The following CYB5D1 variants were observed in gnomAD, a reference collection of about 807,000 sequenced individuals.
CYB5D1 encodes cytochrome b5 domain containing 1, also known as cytochrome b5 domain-containing protein 1.
CYB5D1 carries 30 observed loss-of-function variants against 24.3 expected under a neutral mutation model. That is an observed-to-expected ratio of 1.23 (90% CI 0.92 to 1.67). CYB5D1 has a LOEUF of 1.67. Ranked by LOEUF, CYB5D1 falls within the 40% of genes most tolerant of loss-of-function variation. The pLI, the probability that CYB5D1 is intolerant of heterozygous loss-of-function variation, is 0.00. For missense variants in CYB5D1, 265 were observed against 296.7 expected (o/e 0.89, Z 0.79); for synonymous variants, 128 against 123.2 (o/e 1.04, Z -0.26).
In CYB5D1 at chr17:7,861,198, T is replaced by G. The variant is rs2078880431; in HGVS notation, c.*1586T>G. 6.6e-6 allele frequency: 1 copy of G among 152,056 alleles called. No individual in the cohort carries two copies. Among genetic ancestry groups the G allele is most frequent in the South Asian group, 2.1e-4 (1 of 4,826 alleles). The allele number at this position is 152,056 out of a possible 1,614,324, so 9.4% of individuals were successfully genotyped here. A position where few individuals can be genotyped will look rare whatever the true frequency, so the allele number is the denominator to read the frequency against. ...AGCAAAAAACAAATCAGGAAGAGTT[T>G]AGTGTGTCTTCTGGCAGGGGACACC... is the stretch of plus-strand genomic sequence containing the variant. On this transcript the variant is annotated 3_prime_UTR_variant, in exon 4 of 4. Coordinates refer to ENST00000332439, the MANE Select transcript of CYB5D1 (RefSeq NM_144607.6).
At chr17:7,859,255 C>G in intron 3 of CYB5D1, 127 bp from the exon 4 acceptor site, 1 of 718,172 alleles carries the variant, frequency 1.4e-6, no homozygotes, top group Non-Finnish European at 2.3e-6. Context: ...GGAGTTTCAG[C>G]TTTTTTTTCC....
intron 3 of CYB5D1, 149 bp downstream of exon 3, chr17:7,858,973 T>A: frequency 1.4e-6 from 1 of 706,470 alleles, no homozygotes; most frequent in Non-Finnish European, 2.2e-6. Flanking sequence ...GCACAGCACC[T>A]AGGTCCCCAG....
chr17:7,859,347 G>C (rs2078864894), intron 3 of CYB5D1, 35 bp from the exon 4 acceptor site: 1 of 1,572,994 alleles, frequency 6.4e-7, no homozygotes, highest in Admixed American at 1.7e-5. Context: ...ACTCCATCCA[G>C]AATTCTGGGG....
rs1239142541 is a variant in CYB5D1, at chr17:7,858,610, G to T, written c.242G>T (p.Arg81Leu). The T allele has an allele frequency of 6.2e-7, 1 of 1,605,160 alleles. No individual in the cohort carries two copies. Among genetic ancestry groups the T allele is most frequent in the Non-Finnish European group, 8.5e-7 (1 of 1,173,958 alleles). ...GCCCCAAACCCTCCTTTAAAGATCCGCAAGCACATAGATCCGCTGACCGGC... is the reference window on the plus strand; with the variant it reads ...GCCCCAAACCCTCCTTTAAAGATCCTCAAGCACATAGATCCGCTGACCGGC... ...HWFDPKTRDI[R>L]KHIDPLTGCL... The change falls in exon 3 of 4, where the codon CGC becomes CTC. Residue 81 changes from arginine (R) to leucine (L), a missense_variant. Physicochemically the swap from Arg to Leu is moderately radical, Grantham distance 102. Transcript: ENST00000332439.
Position 7,861,098 on chromosome 17 carries a change from G to T in CYB5D1, c.*1486G>T, listed in dbSNP as rs2078879801. Reference sequence around the variant, plus strand: ...AAGAGAACCACTATTGGGGGTAATGGCTAGATTTGGTCTCCTTTAACTTAA... The same window carrying T: ...AAGAGAACCACTATTGGGGGTAATGTCTAGATTTGGTCTCCTTTAACTTAA... On this transcript the variant is annotated 3_prime_UTR_variant, in exon 4 of 4. Transcript: ENST00000332439. 6.6e-6 allele frequency: 1 copy of T among 152,122 alleles called. No homozygotes were observed. The highest frequency in any genetic ancestry group is 1.5e-5 in the Non-Finnish European group (1 of 68,026). 9.4% of individuals were successfully genotyped at this position (152,122 alleles called of 1,614,324 possible). A position where few individuals can be genotyped will look rare whatever the true frequency, so the allele number is the denominator to read the frequency against.
chr17:7,858,722 G>A lies in CYB5D1; in HGVS notation c.354G>A (p.Lys118=). ...PCSDWANDFG[K]PWWQGSYYEV... is the part of the protein sequence containing the mutation. ...CGGACTGGGCCAACGATTTTGGGAA[G>A]CCCTGGTGGCAGGGGTCGTATTATG... The change falls in exon 3 of 4, where the codon AAG becomes AAA. Residue 118 remains lysine, a synonymous_variant. Coordinates refer to ENST00000332439, the MANE Select transcript of CYB5D1 (RefSeq NM_144607.6). 1 of 1,609,152 alleles carries A rather than the reference G, an allele frequency of 6.2e-7. No individual in the cohort carries two copies. The highest frequency in any genetic ancestry group is 8.5e-7 in the Non-Finnish European group (1 of 1,177,502).
Position 7,859,727 on chromosome 17 carries a change from TC to T in CYB5D1, c.*117del. 1 of 863,682 alleles carries T rather than the reference TC, an allele frequency of 1.2e-6. No homozygotes were observed. Among genetic ancestry groups the T allele is most frequent in the Non-Finnish European group, 1.9e-6 (1 of 530,362 alleles). The allele number at this position is 863,682 out of a possible 1,614,324, so 53.5% of individuals were successfully genotyped here. ...GCCTGGACCCAGATCTCCACTCCTC[TC>T]CAGGAGCTAGCCTGTGCCCTTCTGA... On this transcript the variant is annotated 3_prime_UTR_variant, in exon 4 of 4. Transcript: ENST00000332439.
rs139520724 is a variant in CYB5D1, at chr17:7,859,960, G to A, written c.*348G>A. The A allele has an allele frequency of 5.2e-4, 125 of 240,552 alleles. 1 individual carries two copies. Among genetic ancestry groups the A allele is most frequent in the African/African-American group, 2.7e-3 (120 of 44,226 alleles). 14.9% of individuals were successfully genotyped at this position (240,552 alleles called of 1,614,324 possible). ...ATGGAAGGACTTTTTTGGCAATGAT[G>A]GAAATGAGATGTCTGCAGGAAGATG... On this transcript the variant is annotated 3_prime_UTR_variant, in exon 4 of 4. Coordinates refer to ENST00000332439, the MANE Select transcript of CYB5D1 (RefSeq NM_144607.6).
In CYB5D1 at chr17:7,858,022, G is replaced by T; in HGVS notation, c.-113G>T. On this transcript the variant is annotated 5_prime_UTR_variant, in exon 1 of 4. Transcript: ENST00000332439. ...AAGGACAATGGTTTCCATGTCAGCG[G>T]ATAAACGCTCTCCCCTCGGCTCCCG... 1 of 1,532,868 alleles carries T rather than the reference G, an allele frequency of 6.5e-7. No homozygotes were observed. The highest frequency in any genetic ancestry group is 8.7e-7 in the Non-Finnish European group (1 of 1,145,810). The allele number at this position is 1,532,868 out of a possible 1,614,324, so 95.0% of individuals were successfully genotyped here. A position where few individuals can be genotyped will look rare whatever the true frequency, so the allele number is the denominator to read the frequency against.
At chr17:7,858,926 G>GTA in intron 3 of CYB5D1, 102 bp downstream of exon 3, 1 of 1,115,968 alleles carries the variant, frequency 9.0e-7, no homozygotes, top group Non-Finnish European at 1.2e-6. Context: ...CGGTGGGAGT[G>GTA]TATTTTCTGT....
Position 7,858,758 on chromosome 17 carries a change from G to A in CYB5D1, c.390G>A (p.Arg130=). The A allele has an allele frequency of 1.3e-6, 2 of 1,597,098 alleles. No homozygotes were observed. Among genetic ancestry groups the A allele is most frequent in the Non-Finnish European group, 8.5e-7 (1 of 1,171,310 alleles). ...WWQGSYYEVG[R]LSAKTRSIRI... ...AGGGGTCGTATTATGAGGTGGGGCG[G>A]CTGTCTGCCAAGACCCGGAGCATCC... The change falls in exon 3 of 4, where the codon CGG becomes CGA. Residue 130 remains arginine, a synonymous_variant. Coordinates refer to ENST00000332439, the MANE Select transcript of CYB5D1 (RefSeq NM_144607.6).
rs1454371400 is a variant in CYB5D1, at chr17:7,858,743, T to C, written c.375T>C (p.Tyr125=). 6.9e-6 allele frequency: 11 copies of C among 1,603,876 alleles called. No homozygotes were observed. Among genetic ancestry groups the C allele is most frequent in the Non-Finnish European group, 9.4e-6 (11 of 1,174,880 alleles). The change falls in exon 3 of 4, where the codon TAT becomes TAC. Residue 125 remains tyrosine, a synonymous_variant. Transcript: ENST00000332439. ...DFGKPWWQGS[Y]YEVGRLSAKT... is the part of the protein sequence containing the mutation. ...GGAAGCCCTGGTGGCAGGGGTCGTA[T>C]TATGAGGTGGGGCGGCTGTCTGCCA... is the stretch of plus-strand genomic sequence containing the variant.
Position 7,859,937 on chromosome 17 carries a change from G to A in CYB5D1, c.*325G>A, listed in dbSNP as rs1597874495. 3.8e-5 allele frequency: 10 copies of A among 264,112 alleles called. No homozygotes were observed. The East Asian group carries it at 7.9e-4, about 21-fold the overall frequency. 16.4% of individuals were successfully genotyped at this position (264,112 alleles called of 1,614,324 possible). On this transcript the variant is annotated 3_prime_UTR_variant, in exon 4 of 4. Transcript: ENST00000332439. ...GAGTAGTTCTACAGGGGTGAGGGAT[G>A]GAAGGACTTTTTTGGCAATGATGGA...
chr17:7,858,492 G>A lies in CYB5D1; in HGVS notation c.237+13G>A, dbSNP rs2078852939. On this transcript the variant is annotated intron_variant, in intron 2 of 3. Coordinates refer to ENST00000332439, the MANE Select transcript of CYB5D1 (RefSeq NM_144607.6). Reference sequence around the variant, plus strand: ...AAAGACCAGAGACGTGAGTTATGCTGGAACCTGGGATTGTGGGTAGAGGAA... The same window carrying A: ...AAAGACCAGAGACGTGAGTTATGCTAGAACCTGGGATTGTGGGTAGAGGAA... 1 of 1,614,176 alleles carries A rather than the reference G, an allele frequency of 6.2e-7. No individual in the cohort carries two copies. The highest frequency in any genetic ancestry group is 2.2e-5 in the East Asian group (1 of 44,892).
chr17:7,859,416 AC>A lies in CYB5D1; in HGVS notation c.493del (p.Arg165AlafsTer21), dbSNP rs756741655. 6.2e-7 allele frequency: 1 copy of A among 1,614,032 alleles called. No homozygotes were observed. The highest frequency in any genetic ancestry group is 8.5e-7 in the Non-Finnish European group (1 of 1,180,018). On this transcript the variant is annotated frameshift_variant, in exon 4 of 4. Transcript: ENST00000332439. LOFTEE classifies it high-confidence loss of function. ...CTGGAGTCCATATGGGAAATCCTACACCGCTATCTCCCCTATAACTCACATG... is the reference window on the plus strand; with the variant it reads ...CTGGAGTCCATATGGGAAATCCTACACGCTATCTCCCCTATAACTCACATG... ...GVLESIWEIL[H>X]RYLPYNSHAA...
chr17:7,858,202 CGGA>C lies in CYB5D1; in HGVS notation c.71_73del (p.Glu24del), dbSNP rs1567812448. On this transcript the variant is annotated inframe_deletion, in exon 1 of 4. Coordinates refer to ENST00000332439, the MANE Select transcript of CYB5D1 (RefSeq NM_144607.6). ...TTTCAGCGTCGCTATTTCACGCCGG[CGGA>C]GGTGGCCCAACATAACAGGCCCGAA... 6.2e-7 allele frequency: 1 copy of C among 1,613,948 alleles called. No homozygotes were observed. Among genetic ancestry groups the C allele is most frequent in the South Asian group, 1.1e-5 (1 of 91,088 alleles).
rs1044724476 is a variant in CYB5D1, at chr17:7,860,246, T to C, written c.*634T>C. On this transcript the variant is annotated 3_prime_UTR_variant, in exon 4 of 4. Coordinates refer to ENST00000332439, the MANE Select transcript of CYB5D1 (RefSeq NM_144607.6). ...ATGGCTCACTGCAGCCTGGAGCTCC[T>C]GGGCACAAGTGATCCTCCCATCTCT... The C allele has an allele frequency of 1.3e-5, 2 of 152,504 alleles. No homozygotes were observed. Among genetic ancestry groups the C allele is most frequent in the African/African-American group, 4.8e-5 (2 of 41,370 alleles). The allele number at this position is 152,504 out of a possible 1,614,324, so 9.4% of individuals were successfully genotyped here.
Position 7,858,732 on chromosome 17 carries a change from C to T in CYB5D1, c.364C>T (p.Gln122Ter). 3 of 1,606,812 alleles carry T rather than the reference C, an allele frequency of 1.9e-6. No homozygotes were observed. Among genetic ancestry groups the T allele is most frequent in the Non-Finnish European group, 2.6e-6 (3 of 1,176,456 alleles). ...CAACGATTTTGGGAAGCCCTGGTGG[C>T]AGGGGTCGTATTATGAGGTGGGGCG... ...WANDFGKPWW[Q>*]GSYYEVGRLS... The change falls in exon 3 of 4, where the codon CAG (glutamine) becomes TAG (stop). Residue 122 changes from glutamine to a stop codon, truncating the protein, a stop_gained. Coordinates refer to ENST00000332439, the MANE Select transcript of CYB5D1 (RefSeq NM_144607.6). LOFTEE classifies it high-confidence loss of function.
In CYB5D1 at chr17:7,859,870, G is replaced by C. The variant is rs778171286; in HGVS notation, c.*258G>C. On this transcript the variant is annotated 3_prime_UTR_variant, in exon 4 of 4. Transcript: ENST00000332439. ...CCTTGGTTTAGGGAGATGTAGAAGA[G>C]GATAGTCAGAGTTCAGGCAGAACTG... 1 of 486,432 alleles carries C rather than the reference G, an allele frequency of 2.1e-6. No individual in the cohort carries two copies. Among genetic ancestry groups the C allele is most frequent in the Non-Finnish European group, 3.7e-6 (1 of 268,400 alleles). The allele number at this position is 486,432 out of a possible 1,614,324, so 30.1% of individuals were successfully genotyped here.
Sources: allele counts gnomAD v4.1 joint callset, GRCh38; gene constraint gnomAD v4.1.1; transcripts MANE v1.5; gene names NCBI Gene and HGNC (gene_info 2026-07-23, HGNC 2026-07-21).